NECTIN3: variants seen among roughly 807,000 people sequenced by gnomAD.
NECTIN3 encodes the protein nectin cell adhesion molecule 3, also known as nectin-3.
A neutral mutation model predicts 49.4 loss-of-function variants in NECTIN3; 8 were observed. That is an observed-to-expected ratio of 0.16 (90% CI 0.10 to 0.29). The LOEUF (loss-of-function observed/expected upper bound fraction) is 0.29. NECTIN3 is among the 10% of genes least tolerant of loss of function. The probability of loss-of-function intolerance (pLI) is 1.00; values close to 1 mark genes in which losing one functional copy is unlikely to be tolerated. For synonymous variants in NECTIN3, 277 were observed against 241.1 expected, an observed-to-expected ratio of 1.15 and a Z score of -1.38; for missense variants, 581 against 654.6, an observed-to-expected ratio of 0.89 and a Z score of 1.23.
chr3:111,099,330 C>T (rs2107415586), intron 1 of NECTIN3, among the ~76,000 whole-genome samples: 1 of 152,240 alleles, frequency 6.6e-6, no homozygotes. Context: ...CCCTGTTTGC[C>T]TTGGAATATC....
chr3:111,095,870 C>G, intron 1 of NECTIN3, among the ~76,000 whole-genome samples: 1 of 152,158 alleles, frequency 6.6e-6, no homozygotes, highest in East Asian at 1.9e-4. Context: ...TTCATTAATC[C>G]TCTTCCCTTT....
chr3:111,160,315 A>G (rs1260839807), intron 7 of NECTIN3, among the ~76,000 whole-genome samples: 4 of 152,122 alleles, frequency 2.6e-5, no homozygotes, highest in Non-Finnish European at 4.4e-5. Context: ...TGTTAACCCA[A>G]TTGTGTTTCT....
At chr3:111,114,403 A>G (rs1456733246) in intron 2 of NECTIN3, among the ~76,000 whole-genome samples, 1 of 152,008 alleles carries the variant, frequency 6.6e-6, no homozygotes, top group Non-Finnish European at 1.5e-5. Flanking sequence ...TTTGGCTGTC[A>G]TTGTTATGTT....
At chr3:111,160,921 G>A (rs2035200599) in intron 7 of NECTIN3, among the ~76,000 whole-genome samples, 1 of 152,194 alleles carries the variant, frequency 6.6e-6, no homozygotes, top group African/African-American at 2.4e-5. Flanking sequence ...GCAGGAGAAT[G>A]GCGTGAACCC....
chr3:111,137,123 G>A lies in NECTIN3; in HGVS notation c.*2908G>A. ...TATAAGTACAGAAATTGAGAGAAATGTAGTCATTTTATATGTGAAAACATC... is the reference window on the plus strand; with the variant it reads ...TATAAGTACAGAAATTGAGAGAAATATAGTCATTTTATATGTGAAAACATC... On this transcript the variant is annotated 3_prime_UTR_variant, in exon 6 of 6. Transcript: ENST00000485303. The A allele has an allele frequency of 2.0e-6, 2 of 975,752 alleles. No homozygotes were observed. The highest frequency in any genetic ancestry group is 2.4e-6 in the Non-Finnish European group (2 of 821,370). 60.4% of individuals were successfully genotyped at this position (975,752 alleles called of 1,614,324 possible).
In NECTIN3 at chr3:111,135,813, G is replaced by A; in HGVS notation, c.*1598G>A. 1.1e-6 allele frequency: 1 copy of A among 937,434 alleles called. No individual in the cohort carries two copies. Among genetic ancestry groups the A allele is most frequent in the Non-Finnish European group, 1.3e-6 (1 of 786,736 alleles). 58.1% of individuals were successfully genotyped at this position (937,434 alleles called of 1,614,324 possible). On this transcript the variant is annotated 3_prime_UTR_variant, in exon 6 of 6. Coordinates refer to ENST00000485303, the MANE Select transcript of NECTIN3 (RefSeq NM_015480.3). ...CTTTATTCTGAAGGATTATAAACTA[G>A]TTTTCTTCATTTTAACTAGCACTAT...
At chr3:111,165,419 G>A (rs549398971) in intron 7 of NECTIN3, among the ~76,000 whole-genome samples, 5 of 152,168 alleles carry the variant, frequency 3.3e-5, no homozygotes, top group Admixed American at 3.3e-4. Flanking sequence ...GCCAAAAGTT[G>A]TTCACATGAC....
chr3:111,125,652 T>A (rs1469874536), intron 4 of NECTIN3, among the ~76,000 whole-genome samples: 1 of 152,198 alleles, frequency 6.6e-6, no homozygotes, highest in Non-Finnish European at 1.5e-5. Flanking sequence ...GAAGACCCAT[T>A]TTGCTGTTTT....
chr3:111,114,109 T>C (rs1347820809), intron 2 of NECTIN3, among the ~76,000 whole-genome samples: 4 of 152,242 alleles, frequency 2.6e-5, no homozygotes, highest in South Asian at 2.1e-4. Flanking sequence ...ACAATACTTA[T>C]TGGCTTAAAA....
At chr3:111,165,532 G>T (rs187153336) in intron 7 of NECTIN3, among the ~76,000 whole-genome samples, 1 of 152,296 alleles carries the variant, frequency 6.6e-6, no homozygotes, top group East Asian at 1.9e-4. Flanking sequence ...TTAAGGAAAT[G>T]TAAGGAGAAG....
chr3:111,118,056 A>C (rs79584988), intron 2 of NECTIN3, among the ~76,000 whole-genome samples: 328 of 151,902 alleles, frequency 2.2e-3, no homozygotes, highest in African/African-American at 7.6e-3. Flanking sequence ...TGAGTAGTTA[A>C]AGGTTGAAAG....
intron 5 of NECTIN3, among the ~76,000 whole-genome samples, chr3:111,143,635 G>T (rs978434290): frequency 6.6e-6 from 1 of 151,898 alleles, no homozygotes; most frequent in Admixed American, 6.6e-5. Flanking sequence ...ACTTTGCCGT[G>T]TCTGGGTCCC....
At chr3:111,075,944 T>G (rs1415284245) in intron 1 of NECTIN3, among the ~76,000 whole-genome samples, 17 of 152,090 alleles carry the variant, frequency 1.1e-4, no homozygotes. Context: ...TTGGGGTCTA[T>G]AGTACATATT....
chr3:111,108,396 G>A (rs970379414), intron 1 of NECTIN3, among the ~76,000 whole-genome samples: 1 of 151,726 alleles, frequency 6.6e-6, no homozygotes, highest in African/African-American at 2.4e-5. Context: ...TGAACCAATG[G>A]GTCAGTTCCC....
chr3:111,187,856 A>G (rs1306015152), upstream of NECTIN3, among the ~76,000 whole-genome samples: 1 of 152,202 alleles, frequency 6.6e-6, no homozygotes, highest in African/African-American at 2.4e-5. Context: ...GTGATACTAC[A>G]AGAGTAGATC....
intron 5 of NECTIN3, among the ~76,000 whole-genome samples, chr3:111,129,091 A>C (rs756129774): frequency 7.2e-5 from 11 of 152,200 alleles, no homozygotes; most frequent in Non-Finnish European, 1.5e-4. Context: ...CATAGCAGGC[A>C]CATTCCTACC....
At chr3:111,079,175 A>G (rs889171128) in intron 1 of NECTIN3, among the ~76,000 whole-genome samples, 2 of 152,260 alleles carry the variant, frequency 1.3e-5, no homozygotes, top group East Asian at 3.9e-4. Flanking sequence ...ACTGTGAATT[A>G]TTCATGATAG....
At chr3:111,121,374 G>A (rs1374478103) in intron 3 of NECTIN3, among the ~76,000 whole-genome samples, 1 of 152,098 alleles carries the variant, frequency 6.6e-6, no homozygotes, top group Non-Finnish European at 1.5e-5. Flanking sequence ...ACAGAGTGAT[G>A]GTTGAATGAA....
intron 7 of NECTIN3, among the ~76,000 whole-genome samples, chr3:111,160,035 A>G (rs574627175): frequency 6.6e-6 from 1 of 152,314 alleles, no homozygotes; most frequent in Non-Finnish European, 1.5e-5. Context: ...CATTCCTTAT[A>G]TAATGTAGTT....
Sources: allele counts gnomAD v4.1 joint callset (sites outside exome capture counted in the v4.1 genomes callset), GRCh38; gene constraint gnomAD v4.1.1; transcripts MANE v1.5; gene names NCBI Gene and HGNC (gene_info 2026-07-23, HGNC 2026-07-21).